Variants in CCDC92 observed in about 807,000 individuals in gnomAD.
CCDC92 encodes coiled-coil domain containing 92, also known as coiled-coil domain-containing protein 92.
Under a neutral mutation model 24.9 loss-of-function variants are expected in CCDC92, and 12 were observed. The ratio of observed to expected loss-of-function variants is 0.48; its 90% CI spans 0.31 to 0.78. The LOEUF is 0.78. CCDC92 is among the 30% of genes least tolerant of loss of function. The probability of loss-of-function intolerance (pLI) is 0.05; values close to 1 mark genes in which losing one functional copy is unlikely to be tolerated. For synonymous variants in CCDC92, 193 were observed against 196.3 expected (o/e 0.98, Z 0.14); for missense variants, 399 against 439.4 (o/e 0.91, Z 0.82).
At chr12:123,963,888 A>G (rs1956330907) in intron 1 of CCDC92, among the ~76,000 whole-genome samples, 1 of 152,206 alleles carries the variant, frequency 6.6e-6, no homozygotes, top group African/African-American at 2.4e-5. Context: ...GTTTTTAAGG[A>G]CTTCACTAAA....
intron 1 of CCDC92, among the ~76,000 whole-genome samples, chr12:123,964,486 T>A (rs893633828): frequency 6.6e-6 from 1 of 152,148 alleles, no homozygotes; most frequent in South Asian, 2.1e-4. Context: ...AGCCAGACAC[T>A]GTGGAGGACA....
At chr12:123,958,245 G>A (rs1288617758) in intron 1 of CCDC92, among the ~76,000 whole-genome samples, 1 of 151,792 alleles carries the variant, frequency 6.6e-6, no homozygotes, top group Non-Finnish European at 1.5e-5. Context: ...TAGAGACGGG[G>A]TTTCTCCATG....
Position 123,936,979 on chromosome 12 carries a change from T to C in CCDC92, c.*79A>G. On this transcript the variant is annotated 3_prime_UTR_variant, in exon 5 of 5. Coordinates refer to ENST00000238156, the MANE Select transcript of CCDC92 (RefSeq NM_025140.3). ...TGAAAAGTGTTTGGCATGCATGGGA[T>C]TAAACAGAAAAGGTGTGGCTGAGAT... The C allele has an allele frequency of 6.5e-7, 1 of 1,528,160 alleles. No individual in the cohort carries two copies. The highest frequency in any genetic ancestry group is 1.2e-5 in the South Asian group (1 of 85,776). The allele number at this position is 1,528,160 out of a possible 1,614,324, so 94.7% of individuals were successfully genotyped here.
rs551501849 is a variant in CCDC92 at position 123,949,135 on chromosome 12, C to T, written c.-59-4771G>A. Among the ~76,000 whole-genome samples, 108 of 152,296 alleles carry T rather than the reference C, an allele frequency of 7.1e-4. 1 individual carries two copies. The highest frequency in any genetic ancestry group is 2.4e-3 in the African/African-American group (98 of 41,556). ...GGCAGATGAAAGGAGAAAGGCAGGG[C>T]GTCTGCTGCAGATGAATAACGCCGC... On this transcript the variant is annotated intron_variant, in intron 1 of 4. Coordinates refer to ENST00000238156, the MANE Select transcript of CCDC92 (RefSeq NM_025140.3).
chr12:123,970,827 CA>C (rs1956510025), intron 1 of CCDC92, among the ~76,000 whole-genome samples: 1 of 152,134 alleles, frequency 6.6e-6, no homozygotes, highest in African/African-American at 2.4e-5. Context: ...GCTTTTTTAA[CA>C]TAAGTATTTT....
chr12:123,972,246 G>A (rs1272180395), intron 1 of CCDC92, among the ~76,000 whole-genome samples: 1 of 151,682 alleles, frequency 6.6e-6, no homozygotes, highest in Non-Finnish European at 1.5e-5. Context: ...GCGGGCGCGG[G>A]GGTCGCCGAG....
rs1209399478 is a variant in CCDC92 at position 123,970,022 on chromosome 12, T to C, written c.-60+2507A>G. The C allele has an allele frequency of 2.0e-5, 3 of 152,338 alleles. No homozygotes were observed. The East Asian group carries it at 5.8e-4, about 29-fold the overall frequency. The allele number at this position is 152,338 out of a possible 1,614,324, so 9.4% of individuals were successfully genotyped here. A position where few individuals can be genotyped will look rare whatever the true frequency, so the allele number is the denominator to read the frequency against. ...CGAGAGTGCTTTATTCCCTGTAATG[T>C]GCCATACAAATGCAAAGCACGACTA... On this transcript the variant is annotated intron_variant, in intron 1 of 4. Transcript: ENST00000238156.
intron 1 of CCDC92, chr12:123,945,460 C>T (rs1247105760): frequency 6.6e-6 from 1 of 152,280 alleles, no homozygotes; most frequent in Non-Finnish European, 1.5e-5. Context: ...ACAAAGGAGC[C>T]AGCTACAACC....
intron 1 of CCDC92, among the ~76,000 whole-genome samples, chr12:123,951,849 G>A (rs1461962295): frequency 6.6e-6 from 1 of 152,246 alleles, no homozygotes; most frequent in Non-Finnish European, 1.5e-5. Flanking sequence ...TCCTAGCAGT[G>A]AGGTGGTTTT....
chr12:123,938,572 A>G (rs1955594078), intron 4 of CCDC92, among the ~76,000 whole-genome samples: 2 of 152,170 alleles, frequency 1.3e-5, no homozygotes, highest in African/African-American at 2.4e-5. Context: ...GTCACCTCAC[A>G]TAGCACCCTT....
chr12:123,958,632 C>G (rs1330850330), intron 1 of CCDC92, among the ~76,000 whole-genome samples: 1 of 152,132 alleles, frequency 6.6e-6, no homozygotes, highest in East Asian at 1.9e-4. Context: ...CAAGTGTGGC[C>G]GCTTGAGTGC....
intron 2 of CCDC92, chr12:123,943,838 G>T: frequency 2.2e-6 from 1 of 454,686 alleles, no homozygotes; most frequent in Admixed American, 3.6e-5. Flanking sequence ...CGAGCCTGGG[G>T]TCACACAGCC....
intron 1 of CCDC92, among the ~76,000 whole-genome samples, chr12:123,959,161 T>G (rs1956217578): frequency 6.6e-6 from 1 of 152,208 alleles, no homozygotes; most frequent in African/African-American, 2.4e-5. Context: ...CTTCCTCATC[T>G]GCAAAATGGA....
chr12:123,954,238 C>T (rs1956098287), intron 1 of CCDC92, among the ~76,000 whole-genome samples: 1 of 152,142 alleles, frequency 6.6e-6, no homozygotes, highest in South Asian at 2.1e-4. Context: ...GTAGTTGTTA[C>T]AAATGTAACA....
At chr12:123,953,817 G>A (rs1956086290) in intron 1 of CCDC92, among the ~76,000 whole-genome samples, 1 of 138,892 alleles carries the variant, frequency 7.2e-6, no homozygotes. Context: ...TTAGCCAGGT[G>A]TCGTGGCATC....
intron 1 of CCDC92, among the ~76,000 whole-genome samples, chr12:123,958,888 C>T (rs776005925): frequency 7.9e-5 from 12 of 152,194 alleles, no homozygotes; most frequent in Non-Finnish European, 1.3e-4. Flanking sequence ...TTTTCCTGAT[C>T]CTCTCGTCAG....
intron 1 of CCDC92, among the ~76,000 whole-genome samples, chr12:123,957,699 C>CTTTTTTTTTTTTTTT (rs59738995): frequency 1.3e-5 from 1 of 75,922 alleles, no homozygotes; most frequent in African/African-American, 5.1e-5. Flanking sequence ...TTTTTTCCTT[C>CTTTTTTTTTTTTTTT]TTTTTTTTTT....
Position 123,943,372 on chromosome 12 carries a change from G to C in CCDC92, c.156C>G (p.Ile52Met), listed in dbSNP as rs775046340. ...CTGTGCAGTGCTGCTGCAGCCGCCTGATCTCGGAGTGCAGCCCCTTGAGCG... is the reference window on the plus strand; with the variant it reads ...CTGTGCAGTGCTGCTGCAGCCGCCTCATCTCGGAGTGCAGCCCCTTGAGCG... ...ASTLKGLHSE[I>M]RRLQQHCTDL... Residue 52 changes from isoleucine (I) to methionine (M), a missense_variant, in exon 3 of 5, where the codon ATC becomes ATG. By Grantham distance (10) the Ile-to-Met change is conservative. Transcript: ENST00000238156. 1 of 1,613,816 alleles carries C rather than the reference G, an allele frequency of 6.2e-7. No individual in the cohort carries two copies. The highest frequency in any genetic ancestry group is 8.5e-7 in the Non-Finnish European group (1 of 1,180,032).
At chr12:123,939,066 T>C (rs1370091628) in intron 4 of CCDC92, among the ~76,000 whole-genome samples, 2 of 152,150 alleles carry the variant, frequency 1.3e-5, no homozygotes, top group African/African-American at 4.8e-5. Flanking sequence ...CCTCAATCTG[T>C]CCTGAATGTT....
Sources: allele counts gnomAD v4.1 joint callset (sites outside exome capture counted in the v4.1 genomes callset), GRCh38; gene constraint gnomAD v4.1.1; transcripts MANE v1.5; gene names NCBI Gene and HGNC (gene_info 2026-07-23, HGNC 2026-07-21).